PLCXD3: variants seen among roughly 807,000 people sequenced by gnomAD.
The protein encoded by PLCXD3 is PI-PLC X domain-containing protein 3.
Under a neutral mutation model 25.5 loss-of-function variants are expected in PLCXD3, and 19 were observed. The ratio of observed to expected loss-of-function variants is 0.75; its 90% CI spans 0.52 to 1.09. The LOEUF is 1.09. PLCXD3 is among the 50% of genes least tolerant of loss of function. PLCXD3 has a pLI of 0.00. For missense variants in PLCXD3, 411 were observed against 388.1 expected, an observed-to-expected ratio of 1.06 and a Z score of -0.50; for synonymous variants, 174 against 137.6, an observed-to-expected ratio of 1.26 and a Z score of -1.85.
chr5:41,451,461 T>A (rs572384350), intron 1 of PLCXD3, among the ~76,000 whole-genome samples: 1 of 152,148 alleles, frequency 6.6e-6, no homozygotes, highest in Non-Finnish European at 1.5e-5. Context: ...CTGTTGCTGA[T>A]GTCAACAAGG....
chr5:41,309,168 G>A lies in PLCXD3; in HGVS notation c.*4449C>T, dbSNP rs571435138. 1 of 152,412 alleles carries A rather than the reference G, an allele frequency of 6.6e-6. No individual in the cohort carries two copies. Among genetic ancestry groups the A allele is most frequent in the East Asian group, 1.9e-4 (1 of 5,172 alleles). The allele number at this position is 152,412 out of a possible 1,614,324, so 9.4% of individuals were successfully genotyped here. On this transcript the variant is annotated 3_prime_UTR_variant, in exon 3 of 3. Coordinates refer to ENST00000377801, the MANE Select transcript of PLCXD3 (RefSeq NM_001005473.3). Reference sequence around the variant, plus strand: ...ATACTTTTGACTCATACAAATATACGTTTAAAACTATTACCTACAAAATAG... The same window carrying A: ...ATACTTTTGACTCATACAAATATACATTTAAAACTATTACCTACAAAATAG...
rs1186389467 is a variant in PLCXD3 at position 41,457,596 on chromosome 5, A to G, written c.103+52828T>C. 2.6e-5 allele frequency among the ~76,000 whole-genome samples: 4 copies of G among 151,934 alleles called. No individual in the cohort carries two copies. The East Asian group carries it at 7.7e-4, about 29-fold the overall frequency. ...AATACTGGGAGGACATCTGTACTTA[A>G]GCTGTCTATATTCAAGTGACCTTTG... On this transcript the variant is annotated intron_variant, in intron 1 of 2. Coordinates refer to ENST00000377801, the MANE Select transcript of PLCXD3 (RefSeq NM_001005473.3).
intron 1 of PLCXD3, among the ~76,000 whole-genome samples, chr5:41,416,781 T>A (rs1746704674): frequency 6.6e-6 from 1 of 152,184 alleles, no homozygotes; most frequent in African/African-American, 2.4e-5. Flanking sequence ...CAGTTAGATG[T>A]GAAACTGAAC....
intron 1 of PLCXD3, among the ~76,000 whole-genome samples, chr5:41,441,254 C>T (rs1403611233): frequency 1.3e-5 from 2 of 152,064 alleles, no homozygotes; most frequent in Non-Finnish European, 2.9e-5. Context: ...AAGGATACAC[C>T]AGCCAAGAGA....
intron 2 of PLCXD3, among the ~76,000 whole-genome samples, chr5:41,342,101 C>G (rs1744168633): frequency 6.6e-6 from 1 of 152,128 alleles, no homozygotes; most frequent in South Asian, 2.1e-4. Flanking sequence ...TGGAAATGAG[C>G]ACAGGAGTAT....
rs1743169667 is a variant in PLCXD3 at position 41,312,709 on chromosome 5, C to CTTCCTTCT, written c.*907_*908insAGAAGGAA. On this transcript the variant is annotated 3_prime_UTR_variant, in exon 3 of 3. Coordinates refer to ENST00000377801, the MANE Select transcript of PLCXD3 (RefSeq NM_001005473.3). The stretch of plus-strand genomic sequence containing the variant: ...CTTTCCTTCCTTCCTTCCTTCCTTC[C>CTTCCTTCT]TTCCTTCCTTCCTTCCTTCCTTCCT... The CTTCCTTCT allele has an allele frequency of 6.8e-6, 1 of 146,188 alleles. No homozygotes were observed. Among genetic ancestry groups the CTTCCTTCT allele is most frequent in the South Asian group, 2.2e-4 (1 of 4,562 alleles). 9.1% of individuals were successfully genotyped at this position (146,188 alleles called of 1,614,324 possible).
At chr5:41,404,037 C>T (rs968841394) in intron 1 of PLCXD3, among the ~76,000 whole-genome samples, 93 of 152,218 alleles carry the variant, frequency 6.1e-4, no homozygotes, top group Non-Finnish European at 1.0e-3. Context: ...TATCAAAATG[C>T]ATTAACTTCC....
At chr5:41,508,394 T>C (rs1738931521) in intron 1 of PLCXD3, among the ~76,000 whole-genome samples, 1 of 152,190 alleles carries the variant, frequency 6.6e-6, no homozygotes, top group African/African-American at 2.4e-5. Flanking sequence ...CCTCCAAAAT[T>C]CATAGGGTAT....
At chr5:41,444,720 A>G (rs1022203594) in intron 1 of PLCXD3, among the ~76,000 whole-genome samples, 1 of 152,172 alleles carries the variant, frequency 6.6e-6, no homozygotes, top group Non-Finnish European at 1.5e-5. Flanking sequence ...CCCACTTTAA[A>G]TGGGTACCAT....
chr5:41,472,160 A>C lies in PLCXD3; in HGVS notation c.103+38264T>G, dbSNP rs10462019. On this transcript the variant is annotated intron_variant, in intron 1 of 2. Coordinates refer to ENST00000377801, the MANE Select transcript of PLCXD3 (RefSeq NM_001005473.3). ...ACAAATGTAATGAGTTCACAATTTA[A>C]AGCTACAAATGGAATGATATACTTA... Among the ~76,000 whole-genome samples the C allele has an allele frequency of 0.014, 2,168 of 151,966 alleles. 135 individuals are homozygous for C. In the East Asian group the frequency reaches 0.15, roughly 11 times the overall value.
chr5:41,480,525 CT>C lies in PLCXD3; in HGVS notation c.103+29898del, dbSNP rs377261159. On this transcript the variant is annotated intron_variant, in intron 1 of 2. Transcript: ENST00000377801. The stretch of plus-strand genomic sequence containing the variant: ...TTCAGGGTTTAAGGCATTAAGAAAA[CT>C]TTTTTTTTTTAATCTCACTCTTGTG... 6.7e-3 allele frequency among the ~76,000 whole-genome samples: 968 copies of C among 143,912 alleles called. 15 individuals carry two copies. The highest frequency in any genetic ancestry group is 0.022 in the African/African-American group (848 of 39,408). 94.4% of individuals were successfully genotyped at this position (143,912 alleles called of 152,430 possible). A position where few individuals can be genotyped will look rare whatever the true frequency, so the allele number is the denominator to read the frequency against.
intron 1 of PLCXD3, among the ~76,000 whole-genome samples, chr5:41,423,916 C>T (rs1417496282): frequency 6.6e-6 from 1 of 151,970 alleles, no homozygotes; most frequent in Non-Finnish European, 1.5e-5. Flanking sequence ...ATTAAAATAC[C>T]CATCACCTCA....
At chr5:41,446,051 A>AGTG (rs1747488679) in intron 1 of PLCXD3, among the ~76,000 whole-genome samples, 2 of 150,722 alleles carry the variant, frequency 1.3e-5, no homozygotes, top group East Asian at 3.9e-4. Flanking sequence ...AGCTGGGCGT[A>AGTG]GTGGCGGGCG....
intron 2 of PLCXD3, among the ~76,000 whole-genome samples, chr5:41,362,782 A>T (rs1454721226): frequency 1.3e-5 from 2 of 152,180 alleles, no homozygotes; most frequent in South Asian, 2.1e-4. Context: ...AGTTTATTAT[A>T]GTGCTGCGTA....
intron 1 of PLCXD3, among the ~76,000 whole-genome samples, chr5:41,403,016 A>T (rs1026303784): frequency 6.6e-6 from 1 of 152,098 alleles, no homozygotes; most frequent in Non-Finnish European, 1.5e-5. Context: ...TGCTATGGTT[A>T]GGTAAATACA....
chr5:41,509,136 T>C (rs1216419457), intron 1 of PLCXD3, among the ~76,000 whole-genome samples: 3 of 152,228 alleles, frequency 2.0e-5, no homozygotes, highest in African/African-American at 7.2e-5. Context: ...CTAGTGATTT[T>C]CAAAATAACC....
At chr5:41,406,214 T>C (rs951766424) in intron 1 of PLCXD3, among the ~76,000 whole-genome samples, 1 of 152,118 alleles carries the variant, frequency 6.6e-6, no homozygotes, top group African/African-American at 2.4e-5. Flanking sequence ...TTCATTTCCC[T>C]TCACCCAAAG....
intron 1 of PLCXD3, among the ~76,000 whole-genome samples, chr5:41,449,270 A>G (rs1229271094): frequency 6.6e-6 from 1 of 152,202 alleles, no homozygotes; most frequent in South Asian, 2.1e-4. Context: ...TGCATTTTAT[A>G]CCAAAGCTCA....
chr5:41,370,495 G>A (rs1745064281), intron 2 of PLCXD3, among the ~76,000 whole-genome samples: 1 of 152,162 alleles, frequency 6.6e-6, no homozygotes, highest in Non-Finnish European at 1.5e-5. Flanking sequence ...CTAGAGTGAT[G>A]TTAGTTAGTT....
Sources: allele counts gnomAD v4.1 joint callset (sites outside exome capture counted in the v4.1 genomes callset), GRCh38; gene constraint gnomAD v4.1.1; transcripts MANE v1.5; gene names NCBI Gene and HGNC (gene_info 2026-07-23, HGNC 2026-07-21).